Variants in DPYD observed in about 807,000 individuals in gnomAD.
DPYD encodes the protein dihydropyrimidine dehydrogenase.
DPYD carries 109 observed loss-of-function variants against 116.2 expected under a neutral mutation model. The ratio of observed to expected loss-of-function variants is 0.94; its 90% CI spans 0.80 to 1.10. The LOEUF is 1.10. DPYD is among the 50% of genes least tolerant of loss of function. The pLI is 0.00. For synonymous variants in DPYD, 440 were observed against 432.0 expected (o/e 1.02, Z -0.23); for missense variants, 1,302 against 1,254.5 (o/e 1.04, Z -0.57).
intron 18 of DPYD, chr1:97,295,785 A>G (rs1558008059): frequency 1.0e-6 from 1 of 982,608 alleles, no homozygotes; most frequent in Non-Finnish European, 1.2e-6. Context: ...TTAAGTTTAT[A>G]TTAAAAGGAA....
chr1:97,280,483 T>C (rs1363288626), intron 18 of DPYD, among the ~76,000 whole-genome samples: 4 of 152,124 alleles, frequency 2.6e-5, no homozygotes, highest in African/African-American at 9.7e-5. Context: ...AGCCAAGATA[T>C]GGAATCAAAC....
At chr1:97,379,698 T>G (rs1311438310) in intron 15 of DPYD, among the ~76,000 whole-genome samples, 1 of 152,150 alleles carries the variant, frequency 6.6e-6, no homozygotes, top group Non-Finnish European at 1.5e-5. Context: ...CTAGCAAATC[T>G]AGCTTCCCTA....
rs551749875 is a variant in DPYD at position 97,553,086 on chromosome 1, C to T, written c.1340-3342G>A. ...ATATTTCTTTCAGTAGCCCTAAGCA[C>T]CAAGAATGACTATCACAACTGGAAT... On this transcript the variant is annotated intron_variant, in intron 11 of 22. Coordinates refer to ENST00000370192, the MANE Select transcript of DPYD (RefSeq NM_000110.4). 4.6e-5 allele frequency among the ~76,000 whole-genome samples: 7 copies of T among 151,880 alleles called. No homozygotes were observed. In the East Asian group the frequency reaches 1.2e-3, roughly 25 times the overall value.
At chr1:97,368,397 G>A (rs565086820) in intron 16 of DPYD, among the ~76,000 whole-genome samples, 67 of 152,178 alleles carry the variant, frequency 4.4e-4, no homozygotes, top group South Asian at 3.1e-3. Flanking sequence ...ACTATGCCCC[G>A]TCATCAACTC....
chr1:97,782,309 T>C (rs1379521840), intron 3 of DPYD, among the ~76,000 whole-genome samples: 1 of 152,198 alleles, frequency 6.6e-6, no homozygotes. Flanking sequence ...TTCATTTCTC[T>C]ACAGATTTGC....
At chr1:97,434,956 G>A (rs949068993) in intron 14 of DPYD, among the ~76,000 whole-genome samples, 8 of 151,858 alleles carry the variant, frequency 5.3e-5, no homozygotes, top group African/African-American at 1.4e-4. Flanking sequence ...TTGTGAAATC[G>A]ATTCAGAGAA....
chr1:97,746,936 G>C (rs912258154), intron 3 of DPYD, among the ~76,000 whole-genome samples: 1 of 151,336 alleles, frequency 6.6e-6, no homozygotes, highest in Non-Finnish European at 1.5e-5. Flanking sequence ...GTTGTTAGTG[G>C]TGTGTGTTTT....
At chr1:97,546,380 A>T (rs1357403985) in intron 12 of DPYD, 13 of 1,460,654 alleles carry the variant, frequency 8.9e-6, no homozygotes, top group Non-Finnish European at 1.2e-5. Flanking sequence ...GAAGATGAAG[A>T]AGAAGTTTCA....
In DPYD at chr1:97,850,702, T is replaced by C. The variant is rs527296121; in HGVS notation, c.151-22506A>G. 5.9e-5 allele frequency among the ~76,000 whole-genome samples: 9 copies of C among 152,154 alleles called. No homozygotes were observed. The East Asian group carries it at 1.2e-3, about 20-fold the overall frequency. Reference sequence around the variant, plus strand: ...ATCACAGTAAAAATAAAACTACCAATAGTGTCATCTATAGAATTCGGTCAC... The same window carrying C: ...ATCACAGTAAAAATAAAACTACCAACAGTGTCATCTATAGAATTCGGTCAC... On this transcript the variant is annotated intron_variant, in intron 2 of 22. Coordinates refer to ENST00000370192, the MANE Select transcript of DPYD (RefSeq NM_000110.4).
chr1:97,758,396 T>G (rs1665381044), intron 3 of DPYD, among the ~76,000 whole-genome samples: 2 of 151,840 alleles, frequency 1.3e-5, no homozygotes, highest in African/African-American at 4.8e-5. Flanking sequence ...TAGGGGAAAT[T>G]GATAATCACC....
At chr1:97,761,744 G>A (rs1030447456) in intron 3 of DPYD, among the ~76,000 whole-genome samples, 25 of 151,878 alleles carry the variant, frequency 1.6e-4, no homozygotes, top group African/African-American at 4.8e-4. Context: ...TAGCAGAGAC[G>A]TTTAATCAGC....
chr1:97,405,103 G>C (rs929652618), intron 14 of DPYD, among the ~76,000 whole-genome samples: 4 of 151,718 alleles, frequency 2.6e-5, no homozygotes, highest in African/African-American at 9.7e-5. Context: ...TGTCCATTGT[G>C]TCACTGCTGT....
chr1:97,375,559 C>A (rs1394128404), intron 15 of DPYD, among the ~76,000 whole-genome samples: 1 of 152,136 alleles, frequency 6.6e-6, no homozygotes, highest in Non-Finnish European at 1.5e-5. Flanking sequence ...TGCTGAAAAC[C>A]ATGCTGCTCT....
chr1:97,307,146 A>G (rs1209996651), intron 16 of DPYD, among the ~76,000 whole-genome samples: 7 of 151,894 alleles, frequency 4.6e-5, no homozygotes, highest in Admixed American at 4.6e-4. Flanking sequence ...CACATACAAT[A>G]GTCCTTTTTT....
At chr1:97,142,603 T>C (rs1435620027) in intron 20 of DPYD, among the ~76,000 whole-genome samples, 1 of 152,148 alleles carries the variant, frequency 6.6e-6, no homozygotes, top group East Asian at 1.9e-4. Context: ...TCATCAGTAG[T>C]AGACTTAAAA....
intron 8 of DPYD, among the ~76,000 whole-genome samples, chr1:97,643,100 C>G (rs183898118): frequency 1.3e-5 from 2 of 151,966 alleles, no homozygotes; most frequent in Non-Finnish European, 2.9e-5. Flanking sequence ...TCTAATTAAA[C>G]TAAAGAACTT....
At chr1:97,162,731 T>C (rs1400940131) in intron 20 of DPYD, among the ~76,000 whole-genome samples, 1 of 152,128 alleles carries the variant, frequency 6.6e-6, no homozygotes, top group Non-Finnish European at 1.5e-5. Context: ...CTTCAAACTA[T>C]AGTACAAGGC....
intron 20 of DPYD, among the ~76,000 whole-genome samples, chr1:97,173,360 A>ACATATGTG (rs1656970244): frequency 1.3e-5 from 2 of 149,422 alleles, no homozygotes; most frequent in African/African-American, 4.9e-5. Flanking sequence ...ATATATGTAC[A>ACATATGTG]TATATACATA....
At chr1:97,576,820 AT>A (rs1000468132) in intron 10 of DPYD, among the ~76,000 whole-genome samples, 13 of 152,292 alleles carry the variant, frequency 8.5e-5, no homozygotes, top group South Asian at 4.1e-4. Flanking sequence ...ATTCATCTGC[AT>A]TTTTGCTTTT....
Sources: allele counts gnomAD v4.1 joint callset (sites outside exome capture counted in the v4.1 genomes callset), GRCh38; gene constraint gnomAD v4.1.1; transcripts MANE v1.5; gene names NCBI Gene and HGNC (gene_info 2026-07-23, HGNC 2026-07-21).